BUB1B: variants seen among roughly 807,000 people sequenced by gnomAD.
The protein encoded by BUB1B is BUB1 mitotic checkpoint serine/threonine kinase B.
A neutral mutation model predicts 137.7 loss-of-function variants in BUB1B; 86 were observed. The ratio of observed to expected loss-of-function variants is 0.62; its 90% confidence interval spans 0.52 to 0.75. The LOEUF is 0.75. Among genes scored for constraint, BUB1B ranks in the 30% least tolerant of loss-of-function variants. The pLI is 0.00. For missense variants in BUB1B, 1,130 were observed against 1,236.9 expected, an observed-to-expected ratio of 0.91 and a Z score of 1.30; for synonymous variants, 420 against 417.9, an observed-to-expected ratio of 1.00 and a Z score of -0.06.
Position 40,176,481 on chromosome 15 carries a change from G to T in BUB1B, c.389G>T (p.Arg130Leu). 1 of 1,614,066 alleles carries T rather than the reference G, an allele frequency of 6.2e-7. No homozygotes were observed. The highest frequency in any genetic ancestry group is 8.5e-7 in the Non-Finnish European group (1 of 1,179,966). ...CTGTTAACACTTCTGTTACAGGGGC[G>T]TTTATGCAATGAGCCTTTGGATATG... is the stretch of plus-strand genomic sequence containing the variant. ...RFLNLWLKLG[R>L]LCNEPLDMYS... The change falls in exon 5 of 23, where the codon CGT becomes CTT. Residue 130 changes from arginine (R) to leucine (L), a missense_variant. Coordinates refer to ENST00000287598, the MANE Select transcript of BUB1B (RefSeq NM_001211.6).
chr15:40,185,519 A>G (rs941862964), intron 7 of BUB1B, 32 bp from the exon 8 acceptor site: 9 of 1,606,622 alleles, frequency 5.6e-6, no homozygotes, highest in African/African-American at 1.3e-5. Context: ...ACATAAAACT[A>G]TGGTAATTTT....
intron 8 of BUB1B, among the ~76,000 whole-genome samples, chr15:40,191,660 G>T (rs904844417): frequency 6.6e-6 from 1 of 152,184 alleles, no homozygotes; most frequent in Non-Finnish European, 1.5e-5. Flanking sequence ...TATGGTATAA[G>T]GAAGGAGTCC....
At chr15:40,186,826 A>T (rs1162219242) in intron 8 of BUB1B, 1 of 152,088 alleles carries the variant, frequency 6.6e-6, no homozygotes, top group East Asian at 1.9e-4. Flanking sequence ...ACATGCTAGG[A>T]ATGCAAAAAT....
intron 3 of BUB1B, 84 bp from the exon 4 acceptor site, chr15:40,170,453 C>T: frequency 6.6e-7 from 1 of 1,510,770 alleles, no homozygotes; most frequent in Non-Finnish European, 9.2e-7. Flanking sequence ...TTTACTTCTG[C>T]TAAAATCCAG....
In BUB1B at chr15:40,183,899, G is replaced by A. The variant is rs546782744; in HGVS notation, c.751+16G>A. On this transcript the variant is annotated intron_variant, in intron 6 of 22. Transcript: ENST00000287598. ...GCTCTCAAGGGTAAGTTTGTTAAAC[G>A]TTATTTCGGAAAACTGTTAGTTTCT... 5 of 1,613,076 alleles carry A rather than the reference G, an allele frequency of 3.1e-6. No individual in the cohort carries two copies. The South Asian group carries it at 5.5e-5, about 18-fold the overall frequency.
intron 5 of BUB1B, among the ~76,000 whole-genome samples, chr15:40,181,576 G>A (rs952883929): frequency 1.2e-4 from 18 of 152,054 alleles, no homozygotes; most frequent in African/African-American, 4.3e-4. Flanking sequence ...CATTTCCCCC[G>A]ACTCTGCTAC....
intron 1 of BUB1B, among the ~76,000 whole-genome samples, chr15:40,163,605 A>G (rs866708495): frequency 3.0e-4 from 45 of 152,350 alleles, no homozygotes; most frequent in African/African-American, 9.9e-4. Flanking sequence ...CTATGACTGC[A>G]GTCATTCACT....
intron 8 of BUB1B, among the ~76,000 whole-genome samples, chr15:40,191,058 T>C (rs1259836572): frequency 2.0e-5 from 3 of 152,074 alleles, no homozygotes; most frequent in African/African-American, 7.2e-5. Flanking sequence ...CAGGTAATTT[T>C]TGTGTTTTTA....
At chr15:40,168,712 TCTTA>T (rs2037128996) in intron 2 of BUB1B, among the ~76,000 whole-genome samples, 1 of 152,324 alleles carries the variant, frequency 6.6e-6, no homozygotes, top group Admixed American at 6.5e-5. Flanking sequence ...AGCATGTGCT[TCTTA>T]CTTCTCCAGG....
At chr15:40,164,575 T>A (rs1054837614) in intron 1 of BUB1B, among the ~76,000 whole-genome samples, 1 of 152,144 alleles carries the variant, frequency 6.6e-6, no homozygotes, top group African/African-American at 2.4e-5. Flanking sequence ...AGGCATAGAA[T>A]TACTTGTTGC....
chr15:40,189,843 G>A (rs911107419), intron 8 of BUB1B, among the ~76,000 whole-genome samples: 1 of 152,130 alleles, frequency 6.6e-6, no homozygotes, highest in African/African-American at 2.4e-5. Flanking sequence ...CCTAATGTAC[G>A]AGTACTCCAA....
chr15:40,180,642 C>CTTTTTTTTTTTTTTTTTT, intron 5 of BUB1B, among the ~76,000 whole-genome samples: 1 of 65,836 alleles, frequency 1.5e-5, no homozygotes, highest in Non-Finnish European at 2.7e-5. Context: ...TTTTCTTTTT[C>CTTTTTTTTTTTTTTTTTT]TTTTTTTTTT....
At chr15:40,194,094 A>G (rs1276041725) in intron 8 of BUB1B, among the ~76,000 whole-genome samples, 2 of 151,556 alleles carry the variant, frequency 1.3e-5, no homozygotes, top group Non-Finnish European at 2.9e-5. Context: ...GCTATAGTAA[A>G]TAGAATTGTT....
intron 20 of BUB1B, 84 bp from the exon 21 acceptor site, chr15:40,217,412 G>A (rs2037809410): frequency 6.9e-7 from 1 of 1,449,180 alleles, no homozygotes; most frequent in Non-Finnish European, 9.7e-7. Flanking sequence ...ATGTACCCAA[G>A]GTACCTTTTT....
chr15:40,188,581 T>A (rs901176028), intron 8 of BUB1B, among the ~76,000 whole-genome samples: 2 of 143,898 alleles, frequency 1.4e-5, no homozygotes, highest in African/African-American at 5.5e-5. Flanking sequence ...ATTTAAGTTT[T>A]CTTTTTTTTT....
chr15:40,192,080 T>C (rs2037445497), intron 8 of BUB1B, among the ~76,000 whole-genome samples: 1 of 152,264 alleles, frequency 6.6e-6, no homozygotes, highest in Non-Finnish European at 1.5e-5. Context: ...GTTAATTTAA[T>C]GATATTGACA....
At chr15:40,172,553 A>G (rs1490119985) in intron 4 of BUB1B, among the ~76,000 whole-genome samples, 1 of 152,216 alleles carries the variant, frequency 6.6e-6, no homozygotes, top group Non-Finnish European at 1.5e-5. Context: ...ATAGTCATTA[A>G]GTGGATGATT....
intron 5 of BUB1B, among the ~76,000 whole-genome samples, chr15:40,178,104 G>T (rs1261846976): frequency 6.8e-6 from 1 of 146,738 alleles, no homozygotes; most frequent in East Asian, 2.0e-4. Flanking sequence ...ATTTCTTCCC[G>T]CTTGCTTTGG....
chr15:40,217,673 T>C lies in BUB1B; in HGVS notation c.2850+6T>C, dbSNP rs1178113194. Reference sequence around the variant, plus strand: ...ACTGTTCTTCTCCCTACCAGGTAAGTGTAAAACAAGCCTGAGCAAATATGG... The same window carrying C: ...ACTGTTCTTCTCCCTACCAGGTAAGCGTAAAACAAGCCTGAGCAAATATGG... On this transcript the variant is annotated splice_donor_region_variant and intron_variant, in intron 21 of 22. Coordinates refer to ENST00000287598, the MANE Select transcript of BUB1B (RefSeq NM_001211.6). 6.2e-7 allele frequency: 1 copy of C among 1,614,178 alleles called. No individual in the cohort carries two copies. The highest frequency in any genetic ancestry group is 8.5e-7 in the Non-Finnish European group (1 of 1,180,014).
Sources: allele counts gnomAD v4.1 joint callset (sites outside exome capture counted in the v4.1 genomes callset), GRCh38; gene constraint gnomAD v4.1.1; transcripts MANE v1.5; gene names NCBI Gene and HGNC (gene_info 2026-07-23, HGNC 2026-07-21).